Variants in ABLIM1 observed in about 807,000 individuals in gnomAD.
ABLIM1 encodes actin binding LIM protein 1.
A neutral mutation model predicts 107.0 loss-of-function variants in ABLIM1; 40 were observed. That is an observed-to-expected ratio of 0.37 (90% CI 0.29 to 0.49). ABLIM1 has a LOEUF of 0.49. ABLIM1 is among the 20% of genes least tolerant of loss of function. The pLI is 0.97. For missense variants in ABLIM1, 857 were observed against 1,008.5 expected (o/e 0.85, Z 2.04); for synonymous variants, 357 against 357.3 (o/e 1.00, Z 0.01).
intron 12 of ABLIM1, among the ~76,000 whole-genome samples, chr10:114,462,755 A>T (rs1015989061): frequency 6.7e-6 from 1 of 150,148 alleles, no homozygotes; most frequent in East Asian, 1.9e-4. Flanking sequence ...ACAAAATAAT[A>T]ATATATATAT....
At chr10:114,658,736 C>T (rs1367800078), upstream of ABLIM1, among the ~76,000 whole-genome samples, 1 of 152,148 alleles carries the variant, frequency 6.6e-6, no homozygotes, top group East Asian at 1.9e-4. Flanking sequence ...AGCTCTCAGC[C>T]ATAGTAAACG....
At chr10:114,604,521 A>G (rs564390977) in intron 1 of ABLIM1, among the ~76,000 whole-genome samples, 1 of 152,350 alleles carries the variant, frequency 6.6e-6, no homozygotes, top group Admixed American at 6.5e-5. Context: ...CTTCTGTACC[A>G]TGTATTAAAA....
chr10:114,493,949 CTT>C (rs1415859844), intron 6 of ABLIM1, among the ~76,000 whole-genome samples: 1 of 152,276 alleles, frequency 6.6e-6, no homozygotes, highest in East Asian at 1.9e-4. Flanking sequence ...AAAAAATACA[CTT>C]TTTTGTGAAA....
At chr10:114,473,977 T>C (rs761455975) in intron 8 of ABLIM1, 21 bp from the exon 9 acceptor site, 1 of 1,598,846 alleles carries the variant, frequency 6.3e-7, no homozygotes, top group South Asian at 1.1e-5. Context: ...AACAGTGACT[T>C]GTAAGACTTC....
chr10:114,670,550 G>T (rs753689459), intron 1 of ABLIM1, among the ~76,000 whole-genome samples: 1 of 152,170 alleles, frequency 6.6e-6, no homozygotes, highest in Non-Finnish European at 1.5e-5. Flanking sequence ...CAGGAGTGCA[G>T]CAACTCGATC....
At position 114,680,390 on chromosome 10, in the gene ABLIM1, C is replaced by G. The variant is rs188437730; in HGVS notation, c.64+3900G>C. 5.8e-4 allele frequency among the ~76,000 whole-genome samples: 89 copies of G among 152,338 alleles called. 2 individuals are homozygous for G. The South Asian group carries it at 0.018, about 30-fold the overall frequency. On this transcript the variant is annotated intron_variant, in intron 1 of 23. Coordinates refer to the ABLIM1 transcript ENST00000369256. ...TCTCTCTGCTTCTAGAGCTCAAGCA[C>G]TTCACCAGTGCATCATGCTCAAAAG...
chr10:114,605,569 G>T (rs747933938), intron 1 of ABLIM1, among the ~76,000 whole-genome samples: 4 of 152,174 alleles, frequency 2.6e-5, no homozygotes, highest in Admixed American at 1.3e-4. Flanking sequence ...GTACTGACTA[G>T]TCAATGATTT....
At chr10:114,667,551 AAAGCATAGATC>A (rs1277465226) in intron 1 of ABLIM1, among the ~76,000 whole-genome samples, 1 of 152,162 alleles carries the variant, frequency 6.6e-6, no homozygotes, top group Non-Finnish European at 1.5e-5. Context: ...CATACTGCAA[AAAGCATAGATC>A]TTAAGTATAC....
intron 1 of ABLIM1, among the ~76,000 whole-genome samples, chr10:114,650,871 C>T (rs368479163): frequency 6.6e-6 from 1 of 152,178 alleles, no homozygotes; most frequent in African/African-American, 2.4e-5. Flanking sequence ...AAGTATTTAT[C>T]GAGCTCCAAC....
At chr10:114,718,165 A>G (rs575020518) in intron 1 of ABLIM1, among the ~76,000 whole-genome samples, 1 of 152,256 alleles carries the variant, frequency 6.6e-6, no homozygotes, top group Admixed American at 6.5e-5. Context: ...AGAAAAAGAA[A>G]GAAAGGCAGG....
At chr10:114,697,372 T>C (rs117102461) in intron 1 of ABLIM1, among the ~76,000 whole-genome samples, 3,308 of 152,336 alleles carry the variant, frequency 0.022, 58 homozygotes, top group Non-Finnish European at 0.033. Flanking sequence ...TCTCCTGCCC[T>C]GGGGCAAGTG....
intron 1 of ABLIM1, among the ~76,000 whole-genome samples, chr10:114,710,731 T>C (rs562138581): frequency 1.2e-4 from 18 of 152,228 alleles, no homozygotes; most frequent in African/African-American, 3.8e-4. Context: ...CAATGAGCCA[T>C]GATGGTGCCA....
chr10:114,450,944 T>A (rs1044658715), intron 14 of ABLIM1, among the ~76,000 whole-genome samples: 1 of 152,238 alleles, frequency 6.6e-6, no homozygotes, highest in East Asian at 1.9e-4. Context: ...TAAAGTCATG[T>A]GAGTTCCTGA....
In ABLIM1 at chr10:114,584,615, A is replaced by G. The variant is rs1483664786; in HGVS notation, c.380-9016T>C. 2.0e-5 allele frequency among the ~76,000 whole-genome samples: 3 copies of G among 152,200 alleles called. No homozygotes were observed. In the East Asian group the frequency reaches 5.8e-4, roughly 29 times the overall value. ...TGTGAGGGGGCAGCTTCCCACCAGA[A>G]ATATCTTTTGCTAATGCATTGTTCT... On this transcript the variant is annotated intron_variant, in intron 2 of 22. Transcript: ENST00000533213.
intron 4 of ABLIM1, among the ~76,000 whole-genome samples, chr10:114,570,346 A>G (rs2138732852): frequency 6.6e-6 from 1 of 152,266 alleles, no homozygotes; most frequent in East Asian, 1.9e-4. Context: ...TAGGTTCTCT[A>G]TGGATTCTGA....
chr10:114,799,282 T>G, the ABLIM1 span, among the ~76,000 whole-genome samples: 3 of 152,326 alleles, frequency 2.0e-5, no homozygotes, highest in African/African-American at 7.2e-5. Context: ...TATGAAGGAA[T>G]GTGATCACCT....
intron 1 of ABLIM1, among the ~76,000 whole-genome samples, chr10:114,696,572 GT>G (rs1182481421): frequency 2.6e-5 from 4 of 152,198 alleles, no homozygotes; most frequent in African/African-American, 9.6e-5. Flanking sequence ...TCATGGGGCA[GT>G]TTCCCCCATA....
intron 7 of ABLIM1, 61 bp downstream of exon 7, chr10:114,491,728 AAC>A: frequency 6.8e-7 from 1 of 1,472,090 alleles, no homozygotes; most frequent in Non-Finnish European, 9.5e-7. Flanking sequence ...CAATCAAACA[AAC>A]ATAGCAAGAT....
chr10:114,532,664 G>C lies in ABLIM1; in HGVS notation c.894+12341C>G, dbSNP rs143741181. On this transcript the variant is annotated intron_variant, in intron 6 of 22. Transcript: ENST00000533213. The stretch of plus-strand genomic sequence containing the variant: ...GAAATTATTCTGCTGACCTTTGGAT[G>C]GTACCATTTTTCAACATAGACCCCT... Among the ~76,000 whole-genome samples, 1,305 of 152,294 alleles carry C rather than the reference G, an allele frequency of 8.6e-3. 9 individuals carry two copies. The highest frequency in any genetic ancestry group is 0.014 in the Non-Finnish European group (962 of 68,032).
Sources: gnomAD v4.1 joint callset for allele counts (sites outside exome capture counted in the v4.1 genomes callset) on GRCh38, gnomAD v4.1.1 for gene constraint, MANE v1.5 for transcripts, NCBI Gene and HGNC (gene_info 2026-07-23, HGNC 2026-07-21) for gene names.